Variants in UGGT2 observed in about 807,000 individuals in gnomAD.
UGGT2 encodes the protein UDP-glucose glycoprotein glucosyltransferase 2, also known as UDP-glucose:glycoprotein glucosyltransferase 2.
In UGGT2, 180 loss-of-function variants were observed where a neutral mutation model predicts 192.1. The observed-to-expected ratio is 0.94, with a 90% CI of 0.83 to 1.06. The LOEUF is 1.06. Ranked by LOEUF, UGGT2 falls within the 50% of genes least tolerant of loss-of-function variation. The probability of loss-of-function intolerance (pLI) is 0.00; values close to 1 mark genes in which losing one functional copy is unlikely to be tolerated. For missense variants in UGGT2, 1,849 were observed against 1,795.7 expected, an observed-to-expected ratio of 1.03 and a Z score of -0.54; for synonymous variants, 580 against 591.0, an observed-to-expected ratio of 0.98 and a Z score of 0.27.
At chr13:95,880,721 A>C (rs984615921) in intron 27 of UGGT2, among the ~76,000 whole-genome samples, 34 of 152,226 alleles carry the variant, frequency 2.2e-4, no homozygotes, top group African/African-American at 8.2e-4. Context: ...GCTTGTGTTC[A>C]AGGAACCCTT....
At chr13:95,862,856 T>C (rs927056364) in intron 31 of UGGT2, among the ~76,000 whole-genome samples, 3 of 152,104 alleles carry the variant, frequency 2.0e-5, no homozygotes, top group African/African-American at 7.2e-5. Context: ...TGAGACAATA[T>C]ATTCCTTATG....
intron 12 of UGGT2, among the ~76,000 whole-genome samples, chr13:95,960,748 A>T (rs2050364420): frequency 1.3e-5 from 2 of 152,218 alleles, no homozygotes; most frequent in South Asian, 4.1e-4. Context: ...AATTATAGTC[A>T]AACTGTCAAA....
chr13:95,950,763 T>C (rs950183277), intron 12 of UGGT2, among the ~76,000 whole-genome samples: 1 of 151,938 alleles, frequency 6.6e-6, no homozygotes, highest in Admixed American at 6.6e-5. Flanking sequence ...TTTTAAAATA[T>C]AATATTTATA....
At chr13:96,022,829 C>T (rs7988206) in intron 4 of UGGT2, among the ~76,000 whole-genome samples, 2 of 152,028 alleles carry the variant, frequency 1.3e-5, no homozygotes, top group East Asian at 3.9e-4. Context: ...ACATTTCATA[C>T]ATTTTATGTT....
rs775927655 is a variant in UGGT2 at position 95,927,252 on chromosome 13, G to T, written c.2062C>A (p.Arg688Ser). Residue 688 changes from arginine (R) to serine (S), a missense_variant, in exon 18 of 39, where the codon CGT becomes AGT. Transcript: ENST00000376747. Reference protein sequence around the residue: ...VVPRINTLILRTNQQYLNLIS... With the variant: ...VVPRINTLILSTNQQYLNLIS... ...AAATTGAGGTACTGCTGGTTAGTAC[G>T]CAAAATCAAAGTATTTATACGGGGT... 1.2e-6 allele frequency: 2 copies of T among 1,611,800 alleles called. No homozygotes were observed. The highest frequency in any genetic ancestry group is 1.3e-5 in the African/African-American group (1 of 74,944).
At position 95,895,306 on chromosome 13, in the gene UGGT2, TTAAAA is replaced by T; in HGVS notation, c.2635-7_2635-3del. 3 of 1,418,336 alleles carry T rather than the reference TTAAAA, an allele frequency of 2.1e-6. No individual in the cohort carries two copies. Among genetic ancestry groups the T allele is most frequent in the Admixed American group, 4.7e-5 (2 of 42,768 alleles). 87.9% of individuals were successfully genotyped at this position (1,418,336 alleles called of 1,614,324 possible). A position where few individuals can be genotyped will look rare whatever the true frequency, so the allele number is the denominator to read the frequency against. On this transcript the variant is annotated splice_region_variant and splice_polypyrimidine_tract_variant and intron_variant, in intron 22 of 38. Coordinates refer to ENST00000376747, the MANE Select transcript of UGGT2 (RefSeq NM_020121.4). The stretch of plus-strand genomic sequence containing the variant: ...ATCTTCATCTAAAGGTCCTAAGAAC[TTAAAA>T]TAAAAACAGTTATATTATCATATAT...
intron 36 of UGGT2, among the ~76,000 whole-genome samples, chr13:95,853,280 A>G (rs561596310): frequency 3.9e-5 from 6 of 152,204 alleles, no homozygotes; most frequent in Non-Finnish European, 7.3e-5. Flanking sequence ...GAACGGACTA[A>G]TACAAAGGGT....
At position 96,006,970 on chromosome 13, in the gene UGGT2, AACAAG is replaced by A. The variant is rs556947803; in HGVS notation, c.660+6332_660+6336del. On this transcript the variant is annotated intron_variant, in intron 5 of 38. Coordinates refer to ENST00000376747, the MANE Select transcript of UGGT2 (RefSeq NM_020121.4). ...GAGGCCAGCATTACCTCAATACCAA[AACAAG>A]ACAAGGACACAACAAAAAAAGAAAA... is the stretch of plus-strand genomic sequence containing the variant. Among the ~76,000 whole-genome samples, 20 of 152,288 alleles carry A rather than the reference AACAAG, an allele frequency of 1.3e-4. No homozygotes were observed. In the South Asian group the frequency reaches 2.5e-3, roughly 19 times the overall value.
intron 5 of UGGT2, among the ~76,000 whole-genome samples, chr13:96,006,777 G>A (rs1008367448): frequency 1.3e-5 from 2 of 152,062 alleles, no homozygotes; most frequent in African/African-American, 2.4e-5. Context: ...GAACACTCAG[G>A]AGCTGTGGGA....
chr13:95,890,375 T>C (rs2047765660), intron 25 of UGGT2, among the ~76,000 whole-genome samples: 1 of 152,140 alleles, frequency 6.6e-6, no homozygotes, highest in Non-Finnish European at 1.5e-5. Context: ...AAGATCAAGA[T>C]GCCAGCTGAT....
At chr13:95,933,205 C>T (rs1023322614) in intron 17 of UGGT2, among the ~76,000 whole-genome samples, 16 of 152,212 alleles carry the variant, frequency 1.1e-4, no homozygotes, top group South Asian at 2.1e-4. Context: ...ATGAATCCAT[C>T]TGGTCCAGGG....
intron 15 of UGGT2, among the ~76,000 whole-genome samples, 155 bp from the exon 16 acceptor site, chr13:95,940,246 C>T: frequency 6.6e-6 from 1 of 151,802 alleles, no homozygotes; most frequent in South Asian, 2.1e-4. Flanking sequence ...AACCATATAT[C>T]ATCTTTTAAT....
chr13:95,928,384 C>G (rs1272676615), intron 17 of UGGT2, among the ~76,000 whole-genome samples: 2 of 100,744 alleles, frequency 2.0e-5, no homozygotes, highest in African/African-American at 5.4e-5. Context: ...CGGAGACGCT[C>G]CTCACTTCCC....
At chr13:96,044,492 T>C (rs1049253809) in intron 1 of UGGT2, among the ~76,000 whole-genome samples, 5 of 151,580 alleles carry the variant, frequency 3.3e-5, no homozygotes, top group Non-Finnish European at 7.4e-5. Context: ...AGAAGTGAAA[T>C]AACCAAGATT....
intron 2 of UGGT2, among the ~76,000 whole-genome samples, chr13:96,025,639 A>G (rs2052640935): frequency 6.6e-6 from 1 of 152,130 alleles, no homozygotes; most frequent in Non-Finnish European, 1.5e-5. Flanking sequence ...CTGATCCAAG[A>G]GTCTTATGTT....
chr13:96,049,021 C>A (rs72623067), intron 1 of UGGT2, among the ~76,000 whole-genome samples: 2 of 152,070 alleles, frequency 1.3e-5, no homozygotes, highest in African/African-American at 2.4e-5. Context: ...CTGGCAGAGA[C>A]ACAACAAAAA....
chr13:96,031,319 TG>T (rs1313633518), intron 2 of UGGT2, among the ~76,000 whole-genome samples: 4 of 151,606 alleles, frequency 2.6e-5, no homozygotes, highest in African/African-American at 9.7e-5. Flanking sequence ...TTAATTTTTT[TG>T]GGGGGGGACA....
intron 12 of UGGT2, among the ~76,000 whole-genome samples, chr13:95,967,956 T>C (rs961013721): frequency 6.6e-6 from 1 of 152,220 alleles, no homozygotes; most frequent in Admixed American, 6.5e-5. Context: ...ATCTTTATCA[T>C]GTCACTTCAA....
chr13:95,952,613 C>G (rs149312734), intron 12 of UGGT2, among the ~76,000 whole-genome samples: 1 of 152,018 alleles, frequency 6.6e-6, no homozygotes, highest in Non-Finnish European at 1.5e-5. Context: ...GCATGTGGAA[C>G]CCTTGGATAT....
Sources: allele counts gnomAD v4.1 joint callset (sites outside exome capture counted in the v4.1 genomes callset), GRCh38; gene constraint gnomAD v4.1.1; transcripts MANE v1.5; gene names NCBI Gene and HGNC (gene_info 2026-07-23, HGNC 2026-07-21).